The following CSMD1 variants were observed in gnomAD, a reference collection of about 807,000 sequenced individuals.
The protein encoded by CSMD1 is CUB and Sushi multiple domains 1.
In CSMD1, 213 loss-of-function variants were observed where a neutral mutation model predicts 417.5. That is an observed-to-expected ratio of 0.51 (90% CI 0.46 to 0.57). CSMD1 has a LOEUF of 0.57. CSMD1 is among the 20% of genes least tolerant of loss of function. The pLI, the probability that CSMD1 is intolerant of heterozygous loss-of-function variation, is 0.00. For synonymous variants in CSMD1, 2,862 were observed against 1,736.8 expected (o/e 1.65, Z -16.11); for missense variants, 6,923 against 4,529.7 (o/e 1.53, Z -15.17).
At chr8:3,950,095 A>G in intron 5 of CSMD1, 1 of 434,010 alleles carries the variant, frequency 2.3e-6, no homozygotes, top group South Asian at 1.6e-5. Context: ...TCTTCCTTAA[A>G]GGCAATGATA....
At chr8:4,041,222 T>A (rs901661077) in intron 3 of CSMD1, among the ~76,000 whole-genome samples, 1 of 152,076 alleles carries the variant, frequency 6.6e-6, no homozygotes, top group Non-Finnish European at 1.5e-5. Flanking sequence ...TTTCACCGTG[T>A]TAGCCAGGAT....
intron 3 of CSMD1, among the ~76,000 whole-genome samples, chr8:4,037,458 G>C (rs930421719): frequency 1.3e-5 from 2 of 152,124 alleles, no homozygotes; most frequent in African/African-American, 4.8e-5. Context: ...CATTTCAATG[G>C]TTTGCTTTTT....
At chr8:3,562,846 T>C (rs933104391) in intron 10 of CSMD1, among the ~76,000 whole-genome samples, 3 of 151,796 alleles carry the variant, frequency 2.0e-5, no homozygotes, top group Admixed American at 2.0e-4. Flanking sequence ...GGTGATGAAA[T>C]AATCTGTACA....
chr8:4,118,239 A>G (rs971554871), intron 3 of CSMD1, among the ~76,000 whole-genome samples: 1 of 152,208 alleles, frequency 6.6e-6, no homozygotes, highest in Non-Finnish European at 1.5e-5. Flanking sequence ...GCTTTGTTCC[A>G]GCAACTAAAC....
At chr8:3,553,713 T>C (rs1420657280) in intron 10 of CSMD1, among the ~76,000 whole-genome samples, 1 of 152,228 alleles carries the variant, frequency 6.6e-6, no homozygotes, top group Non-Finnish European at 1.5e-5. Context: ...ACAAATATTC[T>C]GAAGACATTA....
intron 52 of CSMD1, among the ~76,000 whole-genome samples, chr8:3,007,606 T>G (rs1208643674): frequency 6.6e-6 from 1 of 150,882 alleles, no homozygotes; most frequent in African/African-American, 2.5e-5. Flanking sequence ...AAATGATGAG[T>G]TCGTGTCCTT....
intron 2 of CSMD1, among the ~76,000 whole-genome samples, chr8:4,443,460 C>A (rs996409901): frequency 6.6e-6 from 1 of 152,160 alleles, no homozygotes; most frequent in Admixed American, 6.5e-5. Context: ...ATGATGCAAT[C>A]AAGATTTATC....
intron 6 of CSMD1, among the ~76,000 whole-genome samples, chr8:3,734,144 A>G (rs1301609637): frequency 6.6e-6 from 1 of 152,218 alleles, no homozygotes; most frequent in Non-Finnish European, 1.5e-5. Context: ...TAATTATTTA[A>G]GGATACTACC....
At chr8:3,788,542 A>T (rs11782196) in intron 5 of CSMD1, among the ~76,000 whole-genome samples, 149,180 of 152,270 alleles carry the variant, frequency 0.98, 73,152 homozygotes, top group East Asian at 1. Context: ...TATTTATTCA[A>T]CCATCCATCC....
At chr8:4,032,856 G>T (rs764391990) in intron 3 of CSMD1, among the ~76,000 whole-genome samples, 2 of 152,122 alleles carry the variant, frequency 1.3e-5, no homozygotes, top group African/African-American at 2.4e-5. Flanking sequence ...TGATTCCAAA[G>T]TTAATCTGAA....
intron 5 of CSMD1, among the ~76,000 whole-genome samples, chr8:3,875,230 C>G (rs1333939625): frequency 6.6e-6 from 1 of 152,022 alleles, no homozygotes; most frequent in East Asian, 1.9e-4. Flanking sequence ...CACAATGGTC[C>G]TCATGATTTG....
chr8:4,871,624 G>A (rs1802744611), intron 1 of CSMD1, among the ~76,000 whole-genome samples: 1 of 152,084 alleles, frequency 6.6e-6, no homozygotes, highest in Non-Finnish European at 1.5e-5. Context: ...GAAAGCCATA[G>A]CAGTAACCCA....
At chr8:4,261,828 T>C (rs1046416130) in intron 3 of CSMD1, among the ~76,000 whole-genome samples, 28 of 152,174 alleles carry the variant, frequency 1.8e-4, no homozygotes, top group African/African-American at 6.3e-4. Flanking sequence ...TTATATACCT[T>C]ATATGTATAA....
chr8:3,855,301 G>C (rs141759152), intron 5 of CSMD1, among the ~76,000 whole-genome samples: 2 of 151,978 alleles, frequency 1.3e-5, no homozygotes, highest in African/African-American at 4.8e-5. Context: ...TTAAACTTGA[G>C]GCATTAAAAA....
chr8:3,589,270 G>A lies in CSMD1; in HGVS notation c.1098-3010C>T, dbSNP rs191668190. Among the ~76,000 whole-genome samples the A allele has an allele frequency of 1.1e-4, 17 of 152,212 alleles. No homozygotes were observed. The East Asian group carries it at 2.1e-3, about 19-fold the overall frequency. On this transcript the variant is annotated intron_variant, in intron 8 of 69. Coordinates refer to ENST00000635120, the MANE Select transcript of CSMD1 (RefSeq NM_033225.6). ...CTGAAGGAAATGAAATCAATACGTT[G>A]AAGAGATATCTGCACTCTCATAGTC...
intron 7 of CSMD1, among the ~76,000 whole-genome samples, chr8:3,624,546 G>T (rs1385995218): frequency 6.6e-6 from 1 of 152,110 alleles, no homozygotes; most frequent in Non-Finnish European, 1.5e-5. Context: ...ATTTCAGTTG[G>T]ATCAGTTTTG....
chr8:4,588,820 T>C (rs1033776334), intron 2 of CSMD1, among the ~76,000 whole-genome samples: 4 of 127,390 alleles, frequency 3.1e-5, no homozygotes, highest in Non-Finnish European at 7.2e-5. Context: ...GAAACTCTAC[T>C]CTGTGCTTGA....
At chr8:4,030,606 G>C (rs547201650) in intron 4 of CSMD1, among the ~76,000 whole-genome samples, 6 of 152,242 alleles carry the variant, frequency 3.9e-5, no homozygotes, top group Non-Finnish European at 8.8e-5. Context: ...TGATGGGAGG[G>C]GTTGCTGTGA....
At chr8:4,136,870 A>G (rs1803471011) in intron 3 of CSMD1, among the ~76,000 whole-genome samples, 1 of 152,170 alleles carries the variant, frequency 6.6e-6, no homozygotes. Flanking sequence ...TTATTTACGA[A>G]TTTCAGAGAA....
Sources: allele counts gnomAD v4.1 joint callset (sites outside exome capture counted in the v4.1 genomes callset), GRCh38; gene constraint gnomAD v4.1.1; transcripts MANE v1.5; gene names NCBI Gene and HGNC (gene_info 2026-07-23, HGNC 2026-07-21).